CUX1: variants seen among roughly 807,000 people sequenced by gnomAD.
CUX1 encodes the protein cut like homeobox 1, also known as protein CASP.
CUX1 carries 31 observed loss-of-function variants against 158.8 expected under a neutral mutation model. The ratio of observed to expected loss-of-function variants is 0.20; its 90% CI spans 0.15 to 0.26. The LOEUF (loss-of-function observed/expected upper bound fraction) is 0.26. Among genes scored for constraint, CUX1 ranks in the 10% least tolerant of loss-of-function variants. The probability of loss-of-function intolerance (pLI) is 1.00; values close to 1 mark genes in which losing one functional copy is unlikely to be tolerated. For synonymous variants in CUX1, 879 were observed against 862.1 expected, an observed-to-expected ratio of 1.02 and a Z score of -0.34; for missense variants, 1,589 against 2,014.6, an observed-to-expected ratio of 0.79 and a Z score of 4.04.
At chr7:101,831,410 C>T (rs1324354119) in intron 1 of CUX1, among the ~76,000 whole-genome samples, 2 of 152,056 alleles carry the variant, frequency 1.3e-5, no homozygotes, top group Non-Finnish European at 1.5e-5. Context: ...CCTGTCTCAG[C>T]CTCCTGAATG....
chr7:101,858,456 A>G (rs553946713), intron 1 of CUX1, among the ~76,000 whole-genome samples: 252 of 152,124 alleles, frequency 1.7e-3, no homozygotes, highest in African/African-American at 5.7e-3. Context: ...TTTCTTCTTC[A>G]ATGACTTATC....
chr7:101,955,648 C>CT (rs1210597848), intron 2 of CUX1, among the ~76,000 whole-genome samples: 1 of 152,200 alleles, frequency 6.6e-6, no homozygotes, highest in Admixed American at 6.5e-5. Flanking sequence ...CAGACTGTGT[C>CT]TTTCTGGCTG....
At position 102,256,732 on chromosome 7, in the gene CUX1, G is replaced by A. The variant is rs1207539896; in HGVS notation, c.*7690G>A. On this transcript the variant is annotated 3_prime_UTR_variant, in exon 24 of 24. Coordinates refer to ENST00000292535, the MANE Select transcript of CUX1 (RefSeq NM_181552.4). ...TCCCCAAAGCCTCCTAGAGCCTCTG[G>A]TAAGACTTCTGGGTTCATGAAGTTT... 1.0e-6 allele frequency: 1 copy of A among 985,338 alleles called. No homozygotes were observed. The highest frequency in any genetic ancestry group is 1.2e-6 in the Non-Finnish European group (1 of 829,954). 61.0% of individuals were successfully genotyped at this position (985,338 alleles called of 1,614,324 possible).
chr7:102,196,215 G>T (rs1554518264), intron 14 of CUX1, among the ~76,000 whole-genome samples: 1 of 152,198 alleles, frequency 6.6e-6, no homozygotes, highest in African/African-American at 2.4e-5. Flanking sequence ...ACGGTGCATC[G>T]CCTCAGAGCA....
chr7:102,163,136 A>G (rs1790638632), intron 9 of CUX1, among the ~76,000 whole-genome samples: 1 of 152,124 alleles, frequency 6.6e-6, no homozygotes, highest in African/African-American at 2.4e-5. Context: ...AAGAAGTGGA[A>G]GGTTAAAGGA....
chr7:102,108,607 G>A (rs1229157140), intron 6 of CUX1, among the ~76,000 whole-genome samples: 7 of 152,138 alleles, frequency 4.6e-5, no homozygotes, highest in Non-Finnish European at 8.8e-5. Context: ...GATGTGCTAG[G>A]ATTACAGACA....
chr7:102,265,732 C>T (rs896804788), intron 14 of CUX1, among the ~76,000 whole-genome samples: 2 of 152,102 alleles, frequency 1.3e-5, no homozygotes, highest in Non-Finnish European at 2.9e-5. Flanking sequence ...TTGCACCCGA[C>T]CAACTTTTTA....
At chr7:101,862,059 T>A (rs1167817969) in intron 1 of CUX1, among the ~76,000 whole-genome samples, 1 of 152,176 alleles carries the variant, frequency 6.6e-6, no homozygotes, top group Non-Finnish European at 1.5e-5. Context: ...GGTCTCAAAC[T>A]CCTGACCTCA....
At chr7:102,246,427 G>A (rs1488282311) in intron 23 of CUX1, among the ~76,000 whole-genome samples, 3 of 152,090 alleles carry the variant, frequency 2.0e-5, no homozygotes, top group Non-Finnish European at 2.9e-5. Flanking sequence ...CTGCACGCAG[G>A]AATCAAATAA....
At chr7:102,046,943 C>T (rs1465175147) in intron 3 of CUX1, among the ~76,000 whole-genome samples, 3 of 152,124 alleles carry the variant, frequency 2.0e-5, no homozygotes, top group East Asian at 1.9e-4. Context: ...CTGGGAGAGT[C>T]GCCAAAGCGA....
At chr7:101,864,450 C>T (rs1243855410) in intron 1 of CUX1, among the ~76,000 whole-genome samples, 3 of 152,134 alleles carry the variant, frequency 2.0e-5, no homozygotes, top group Admixed American at 1.3e-4. Context: ...GGGTGAGCCA[C>T]CATGCCTAGC....
intron 1 of CUX1, among the ~76,000 whole-genome samples, chr7:101,914,478 TCTTCCTTC>T (rs562140271): frequency 1.4e-5 from 2 of 142,802 alleles, no homozygotes; most frequent in South Asian, 4.8e-4. Flanking sequence ...TTCCTTCCCT[TCTTCCTTC>T]CTTCCTTCCT....
intron 1 of CUX1, among the ~76,000 whole-genome samples, chr7:101,853,622 T>TGTGTGTGTGTGTGTG: frequency 7.2e-6 from 1 of 139,014 alleles, no homozygotes; most frequent in African/African-American, 2.7e-5. Context: ...TGTGTGTGTG[T>TGTGTGTGTGTGTGTG]CGGGGTAAAG....
intron 23 of CUX1, among the ~76,000 whole-genome samples, chr7:102,243,163 G>A (rs1006626494): frequency 2.0e-5 from 3 of 152,040 alleles, no homozygotes; most frequent in African/African-American, 7.2e-5. Context: ...AATCCCAGCT[G>A]CTCAGGAGGC....
At chr7:102,061,501 T>A (rs1360149866) in intron 3 of CUX1, among the ~76,000 whole-genome samples, 1 of 152,160 alleles carries the variant, frequency 6.6e-6, no homozygotes, top group Non-Finnish European at 1.5e-5. Context: ...ACGGCTTTGA[T>A]CTTGACAGCA....
rs1038872624 is a variant in CUX1 at position 102,142,778 on chromosome 7, C to T, written c.675-15782C>T. On this transcript the variant is annotated intron_variant, in intron 8 of 23. Coordinates refer to ENST00000292535, the MANE Select transcript of CUX1 (RefSeq NM_181552.4). ...TTCTGCAAAAAATTTAAAAATTAGCCGGGAGAGGTGATGCACACTTGTAGT... is the reference window on the plus strand; with the variant it reads ...TTCTGCAAAAAATTTAAAAATTAGCTGGGAGAGGTGATGCACACTTGTAGT... Among the ~76,000 whole-genome samples, 16 of 151,358 alleles carry T rather than the reference C, an allele frequency of 1.1e-4. No homozygotes were observed. In the East Asian group the frequency reaches 1.4e-3, roughly 13 times the overall value.
intron 4 of CUX1, among the ~76,000 whole-genome samples, chr7:102,072,615 A>C (rs1184930245): frequency 6.6e-6 from 1 of 152,194 alleles, no homozygotes; most frequent in East Asian, 1.9e-4. Flanking sequence ...GGAGGTTTGC[A>C]AAGGAAGTAG....
At chr7:102,168,933 A>T (rs781813656) in intron 9 of CUX1, among the ~76,000 whole-genome samples, 4,690 of 33,912 alleles carry the variant, frequency 0.14, 232 homozygotes, top group African/African-American at 0.39. Flanking sequence ...CTTTTCTTTT[A>T]TTTTCTTTTT....
intron 2 of CUX1, among the ~76,000 whole-genome samples, chr7:101,992,759 C>A (rs1815307139): frequency 6.6e-6 from 1 of 152,152 alleles, no homozygotes. Flanking sequence ...GTGAGGCCAC[C>A]AGAGCTTTGA....
Sources: gnomAD v4.1 joint callset for allele counts (sites outside exome capture counted in the v4.1 genomes callset) on GRCh38, gnomAD v4.1.1 for gene constraint, MANE v1.5 for transcripts, NCBI Gene and HGNC (gene_info 2026-07-23, HGNC 2026-07-21) for gene names.